HIPK4: variants seen among roughly 807,000 people sequenced by gnomAD.
HIPK4 encodes the protein homeodomain-interacting protein kinase 4.
A neutral mutation model predicts 44.8 loss-of-function variants in HIPK4; 26 were observed. The observed-to-expected ratio is 0.58, with a 90% confidence interval of 0.43 to 0.80. The LOEUF (loss-of-function observed/expected upper bound fraction) is 0.80, where lower values mean the gene tolerates loss of function less well. Among genes scored for constraint, HIPK4 ranks in the 30% least tolerant of loss-of-function variants. The pLI is 0.00. For missense variants in HIPK4, 729 were observed against 862.6 expected, an observed-to-expected ratio of 0.85 and a Z score of 1.94; for synonymous variants, 340 against 355.5, an observed-to-expected ratio of 0.96 and a Z score of 0.49.
At chr19:40,386,883 C>A (rs993387486) in intron 1 of HIPK4, among the ~76,000 whole-genome samples, 1 of 151,904 alleles carries the variant, frequency 6.6e-6, no homozygotes, top group Non-Finnish European at 1.5e-5. Flanking sequence ...GAGACAGTGG[C>A]TCACCCTGTC....
rs1193311937 is a variant in HIPK4 at position 40,383,956 on chromosome 19, C to CG, written c.648dup (p.Gly217ArgfsTer40). On this transcript the variant is annotated frameshift_variant, in exon 2 of 4. Coordinates refer to ENST00000291823, the MANE Select transcript of HIPK4 (RefSeq NM_144685.5). LOFTEE classifies it high-confidence loss of function. The stretch of plus-strand genomic sequence containing the variant: ...CGCACCTGGTCGTACTCGTTGTTGC[C>CG]GGGGTAGAGAGGCCAGCCCAGGTGC... 10 of 1,614,148 alleles carry CG rather than the reference C, an allele frequency of 6.2e-6. No individual in the cohort carries two copies. The highest frequency in any genetic ancestry group is 1.1e-5 in the South Asian group (1 of 91,084).
Position 40,380,732 on chromosome 19 carries a change from G to A in HIPK4, c.1259C>T (p.Pro420Leu). The change falls in exon 3 of 4, where the codon CCA (proline) becomes CTA (leucine). Residue 420 changes from proline (P) to leucine (L), a missense_variant. Pro to Leu is a moderately conservative substitution (Grantham distance 98). This residue lies in a region of HIPK4 where 533 missense variants were observed against 567.5 expected (regional missense o/e 0.94). Coordinates refer to ENST00000291823, the MANE Select transcript of HIPK4 (RefSeq NM_144685.5). The surrounding 1 kb of genome is among the most constrained non-coding windows in gnomAD (Gnocchi z 4.2). ...CTGGTCGATGGCTCTTTGCATACCTGGTGCCTTCTCCTCTCGGAAGAAGGG... is the reference window on the plus strand; with the variant it reads ...CTGGTCGATGGCTCTTTGCATACCTAGTGCCTTCTCCTCTCGGAAGAAGGG... Reference protein sequence around the residue: ...SSPFFREEKAPGMQRAIDQLD... With the variant: ...SSPFFREEKALGMQRAIDQLD... The A allele has an allele frequency of 6.2e-7, 1 of 1,614,126 alleles. No homozygotes were observed. Among genetic ancestry groups the A allele is most frequent in the Non-Finnish European group, 8.5e-7 (1 of 1,179,970 alleles).
Position 40,389,323 on chromosome 19 carries a change from CA to C in HIPK4, c.465+114del. ...TGGGTAACAGAATGAAACTCCGTCT[CA>C]AAAATAATAATAATAATAATTTTAA... On this transcript the variant is annotated intron_variant, in intron 1 of 3. Coordinates refer to ENST00000291823, the MANE Select transcript of HIPK4 (RefSeq NM_144685.5). This position sits in a 1 kb window ranked among gnomAD's most constrained non-coding sequence, Gnocchi z 4.6. 1 of 476,918 alleles carries C rather than the reference CA, an allele frequency of 2.1e-6. No individual in the cohort carries two copies. Among genetic ancestry groups the C allele is most frequent in the Non-Finnish European group, 3.2e-6 (1 of 310,066 alleles). The allele number at this position is 476,918 out of a possible 1,614,324, so 29.5% of individuals were successfully genotyped here.
chr19:40,381,180 T>C lies in HIPK4; in HGVS notation c.823-12A>G, dbSNP rs779917967. 5 of 1,585,352 alleles carry C rather than the reference T, an allele frequency of 3.2e-6. No individual in the cohort carries two copies. In the South Asian group the frequency reaches 5.6e-5, roughly 18 times the overall value. On this transcript the variant is annotated splice_polypyrimidine_tract_variant and intron_variant, in intron 2 of 3. Coordinates refer to ENST00000291823, the MANE Select transcript of HIPK4 (RefSeq NM_144685.5). ...TCCAATGGGCGCACCTGGCGGGGCATGGAGAAGGGGGCAGGGTTGACCATT... is the reference window on the plus strand; with the variant it reads ...TCCAATGGGCGCACCTGGCGGGGCACGGAGAAGGGGGCAGGGTTGACCATT...
Position 40,380,289 on chromosome 19 carries a change from C to A in HIPK4, c.1668+34G>T. ...GGTGAGTGTGTGCTGAGCCTCCTCC[C>A]ACCCTAATCGTATCCTGAACGCACC... is the stretch of plus-strand genomic sequence containing the variant. On this transcript the variant is annotated intron_variant, in intron 3 of 3. Coordinates refer to ENST00000291823, the MANE Select transcript of HIPK4 (RefSeq NM_144685.5). The surrounding 1 kb of genome is among the most constrained non-coding windows in gnomAD (Gnocchi z 4.2). The A allele has an allele frequency of 6.3e-7, 1 of 1,598,788 alleles. No homozygotes were observed. Among genetic ancestry groups the A allele is most frequent in the Non-Finnish European group, 8.6e-7 (1 of 1,168,858 alleles).
In HIPK4 at chr19:40,379,679, G is replaced by A. The variant is rs201051792; in HGVS notation, c.1759C>T (p.Arg587Trp). 2.0e-5 allele frequency: 32 copies of A among 1,573,964 alleles called. No individual in the cohort carries two copies. Among genetic ancestry groups the A allele is most frequent in the Non-Finnish European group, 2.1e-5 (24 of 1,163,278 alleles). Residue 587 changes from arginine to tryptophan, a missense_variant, in exon 4 of 4, where the codon CGG becomes TGG. By Grantham distance (101) the Arg-to-Trp change is moderately radical. Coordinates refer to ENST00000291823, the MANE Select transcript of HIPK4 (RefSeq NM_144685.5). Reference sequence around the variant, plus strand: ...CGGCGGGGTGGGAGCCCCTGAGCCCGTGGGCCCCTGACGCTCTCCAGGGTG... The same window carrying A: ...CGGCGGGGTGGGAGCCCCTGAGCCCATGGGCCCCTGACGCTCTCCAGGGTG... Reference protein sequence around the residue: ...DCTLESVRGPRAQGLPPRRSH... With the variant: ...DCTLESVRGPWAQGLPPRRSH...
rs754877298 is a variant in HIPK4 at position 40,383,846 on chromosome 19, G to C, written c.759C>G (p.Pro253=). 7.4e-6 allele frequency: 12 copies of C among 1,614,202 alleles called. No individual in the cohort carries two copies. The Middle Eastern group carries it at 4.9e-4, about 67-fold the overall frequency. The part of the protein sequence containing the change: ...CKAHHFFKRN[P]HPDAANPWQL... ...GCCAGGGGTTGGCAGCGTCAGGGTGGGGGTTGCGCTTGAAGAAGTGGTGGG... is the reference window on the plus strand; with the variant it reads ...GCCAGGGGTTGGCAGCGTCAGGGTGCGGGTTGCGCTTGAAGAAGTGGTGGG... Residue 253 remains proline (P), a synonymous_variant, in exon 2 of 4, where the codon CCC becomes CCG. Transcript: ENST00000291823.
At chr19:40,382,191 C>T (rs1282257394) in intron 2 of HIPK4, among the ~76,000 whole-genome samples, 1 of 152,082 alleles carries the variant, frequency 6.6e-6, no homozygotes, top group Non-Finnish European at 1.5e-5. Flanking sequence ...CAACTGCCAA[C>T]TCCTGGGTTC....
chr19:40,381,371 C>G (rs1025844637), intron 2 of HIPK4, among the ~76,000 whole-genome samples: 39 of 151,748 alleles, frequency 2.6e-4, no homozygotes, highest in African/African-American at 8.9e-4. Context: ...GGCCCAAGTT[C>G]CACCCCTTGC....
Position 40,380,188 on chromosome 19 carries a change from T to G in HIPK4, c.1668+135A>C. 2 of 1,202,352 alleles carry G rather than the reference T, an allele frequency of 1.7e-6. No homozygotes were observed. The highest frequency in any genetic ancestry group is 2.3e-6 in the Non-Finnish European group (2 of 857,818). 74.5% of individuals were successfully genotyped at this position (1,202,352 alleles called of 1,614,324 possible). A position where few individuals can be genotyped will look rare whatever the true frequency, so the allele number is the denominator to read the frequency against. Reference sequence around the variant, plus strand: ...GGTATTAGGTGTGTGCTGAGCCTCCTAAGTCCCTAATTGTATCCTGAACAT... The same window carrying G: ...GGTATTAGGTGTGTGCTGAGCCTCCGAAGTCCCTAATTGTATCCTGAACAT... On this transcript the variant is annotated intron_variant, in intron 3 of 3. Transcript: ENST00000291823. The surrounding 1 kb of genome is among the most constrained non-coding windows in gnomAD (Gnocchi z 4.2).
In HIPK4 at chr19:40,380,844, C is replaced by A. The variant is rs763153397; in HGVS notation, c.1147G>T (p.Val383Phe). The change falls in exon 3 of 4, where the codon GTC becomes TTC. Residue 383 changes from valine to phenylalanine, a missense_variant. Val to Phe is a conservative substitution (Grantham distance 50). Around this residue, in one of 2 missense-constraint regions of HIPK4, gnomAD observed 533 missense variants for 567.5 expected, o/e 0.94. Coordinates refer to ENST00000291823, the MANE Select transcript of HIPK4 (RefSeq NM_144685.5). This position sits in a 1 kb window ranked among gnomAD's most constrained non-coding sequence, Gnocchi z 4.2. ...LQVEGKPPTP[V>F]VAAEDGTPYY... ...GGGGTCCCATCTTCTGCGGCCACGA[C>A]GGGCGTGGGGGGCTTCCCCTCCACT... The A allele has an allele frequency of 6.2e-7, 1 of 1,610,018 alleles. No homozygotes were observed. The highest frequency in any genetic ancestry group is 1.1e-5 in the South Asian group (1 of 91,030).
rs765240481 is a variant in HIPK4, at chr19:40,384,093, A to G, written c.512T>C (p.Val171Ala). ...GCGCGACTGGATGTATGGCTCCTTC[A>G]CGTAGCGCACCTCGCTGAAAATGCT... is the stretch of plus-strand genomic sequence containing the variant. Reference protein sequence around the residue: ...SASIFSEVRYVKEPYIQSRFY... With the variant: ...SASIFSEVRYAKEPYIQSRFY... The change falls in exon 2 of 4, where the codon GTG (valine) becomes GCG (alanine). Residue 171 changes from valine to alanine, a missense_variant. Coordinates refer to ENST00000291823, the MANE Select transcript of HIPK4 (RefSeq NM_144685.5). The G allele has an allele frequency of 6.2e-7, 1 of 1,603,336 alleles. No homozygotes were observed. The highest frequency in any genetic ancestry group is 2.2e-5 in the East Asian group (1 of 44,594).
rs768907639 is a variant in HIPK4, at chr19:40,389,782, T to G, written c.121A>C (p.Ile41Leu). The stretch of plus-strand genomic sequence containing the variant: ...TTGCGGTAGGCGTCATTCTTGAGGA[T>G]CTTGATGGCCACCATCTCGCCCGTG... ...RSTGEMVAIKILKNDAYRNRI... is the reference protein window; with the variant it reads ...RSTGEMVAIKLLKNDAYRNRI... The change falls in exon 1 of 4, where the codon ATC (isoleucine) becomes CTC (leucine). Residue 41 changes from isoleucine to leucine, a missense_variant. Ile to Leu is a conservative substitution (Grantham distance 5). Transcript: ENST00000291823. The surrounding 1 kb of genome is among the most constrained non-coding windows in gnomAD (Gnocchi z 4.6). The G allele has an allele frequency of 6.2e-6, 10 of 1,614,002 alleles. No homozygotes were observed. In the South Asian group the frequency reaches 9.9e-5, roughly 16 times the overall value.
chr19:40,388,136 G>C (rs1374169502), intron 1 of HIPK4, among the ~76,000 whole-genome samples: 1 of 150,620 alleles, frequency 6.6e-6, no homozygotes, highest in African/African-American at 2.4e-5. Context: ...ATCTGCTTCA[G>C]CCTCTGGAGT....
rs1195748684 is a variant in HIPK4 at position 40,389,165 on chromosome 19, C to G, written c.465+273G>C. On this transcript the variant is annotated intron_variant, in intron 1 of 3. Transcript: ENST00000291823. This position sits in a 1 kb window ranked among gnomAD's most constrained non-coding sequence, Gnocchi z 4.6. ...ATCATCACCCCGTCTCTGATAAGTA[C>G]AAAAAAAAAATTAGCTGGGCGTGGT... Among the ~76,000 whole-genome samples the G allele has an allele frequency of 1.6e-5, 2 of 122,538 alleles. No homozygotes were observed. Among genetic ancestry groups the G allele is most frequent in the Non-Finnish European group, 3.5e-5 (2 of 57,624 alleles). The allele number at this position is 122,538 out of a possible 152,430, so 80.4% of individuals were successfully genotyped here. A position where few individuals can be genotyped will look rare whatever the true frequency, so the allele number is the denominator to read the frequency against.
chr19:40,387,287 G>A (rs757339500), intron 1 of HIPK4, among the ~76,000 whole-genome samples: 5 of 151,978 alleles, frequency 3.3e-5, no homozygotes, highest in East Asian at 1.9e-4. Flanking sequence ...CTGAAGTCCC[G>A]GTCCTCTTCT....
intron 2 of HIPK4, 46 bp from the exon 3 acceptor site, chr19:40,381,214 C>A (rs1311494024): frequency 6.6e-7 from 1 of 1,509,706 alleles, no homozygotes; most frequent in South Asian, 1.2e-5. Context: ...TTGTGCAGGG[C>A]TAGGGCCCTG....
chr19:40,386,421 G>A (rs951226053), intron 1 of HIPK4, among the ~76,000 whole-genome samples: 3 of 150,486 alleles, frequency 2.0e-5, no homozygotes, highest in Non-Finnish European at 3.0e-5. Context: ...TGGCACCATC[G>A]TAGCTCACTG....
chr19:40,379,546 G>T lies in HIPK4; in HGVS notation c.*41C>A. 6.9e-7 allele frequency: 1 copy of T among 1,451,552 alleles called. No homozygotes were observed. Among genetic ancestry groups the T allele is most frequent in the Non-Finnish European group, 9.1e-7 (1 of 1,096,800 alleles). 89.9% of individuals were successfully genotyped at this position (1,451,552 alleles called of 1,614,324 possible). On this transcript the variant is annotated 3_prime_UTR_variant, in exon 4 of 4. Transcript: ENST00000291823. ...CAGGTTGGGAGGGAATGCCAGCCCA[G>T]CTAGCGCAGCCCCCAGTGATGGGCA...
Sources: gnomAD v4.1 joint callset for allele counts (sites outside exome capture counted in the v4.1 genomes callset) on GRCh38, gnomAD v4.1.1 for gene constraint, gnomAD v4.1.1 regional missense constraint, Gnocchi (gnomAD v3.1) non-coding constraint, MANE v1.5 for transcripts, NCBI Gene and HGNC (gene_info 2026-07-23, HGNC 2026-07-21) for gene names.